SPIDR: variants seen among roughly 807,000 people sequenced by gnomAD.
SPIDR encodes the protein scaffold protein involved in DNA repair.
Under a neutral mutation model 104.6 loss-of-function variants are expected in SPIDR, and 93 were observed. The ratio of observed to expected loss-of-function variants is 0.89; its 90% CI spans 0.75 to 1.06. SPIDR has a LOEUF of 1.06. Among genes scored for constraint, SPIDR ranks in the 50% least tolerant of loss-of-function variants. SPIDR has a pLI of 0.00. For synonymous variants in SPIDR, 431 were observed against 416.9 expected (o/e 1.03, Z -0.41); for missense variants, 1,154 against 1,111.2 (o/e 1.04, Z -0.55).
At chr8:47,350,636 A>G (rs1414271523) in intron 5 of SPIDR, among the ~76,000 whole-genome samples, 2 of 152,216 alleles carry the variant, frequency 1.3e-5, no homozygotes, top group African/African-American at 4.8e-5. Context: ...TAAAGGAGCA[A>G]ATGTAAACCT....
At chr8:47,340,890 G>T (rs2050631013) in intron 5 of SPIDR, among the ~76,000 whole-genome samples, 1 of 152,214 alleles carries the variant, frequency 6.6e-6, no homozygotes, top group Non-Finnish European at 1.5e-5. Flanking sequence ...GGAGTTAGGA[G>T]AGGTTATGGA....
At chr8:47,594,062 G>T (rs1385895950) in intron 8 of SPIDR, among the ~76,000 whole-genome samples, 1 of 151,848 alleles carries the variant, frequency 6.6e-6, no homozygotes, top group Admixed American at 6.6e-5. Flanking sequence ...TTGCAGGCCT[G>T]TGGGAGATCA....
rs972742318 is a variant in SPIDR, at chr8:47,578,329, G to A, written c.1098-17482G>A. On this transcript the variant is annotated intron_variant, in intron 8 of 19. Transcript: ENST00000297423. ...CTACTAAAAATACAAAAAATTAGCCGGGCATGGTGGCAGGCACCTGTAATC... is the reference window on the plus strand; with the variant it reads ...CTACTAAAAATACAAAAAATTAGCCAGGCATGGTGGCAGGCACCTGTAATC... 7.2e-5 allele frequency among the ~76,000 whole-genome samples: 11 copies of A among 152,168 alleles called. 1 individual carries two copies. In the South Asian group the frequency reaches 1.2e-3, roughly 17 times the overall value.
chr8:47,702,161 A>G (rs2080374936), intron 14 of SPIDR, 146 bp downstream of exon 14: 28 of 1,006,434 alleles, frequency 2.8e-5, no homozygotes, highest in Middle Eastern at 3.1e-4. Flanking sequence ...ATTAAAGGGT[A>G]ATCTCCTTTG....
At chr8:47,566,841 T>A (rs1417785729) in intron 8 of SPIDR, among the ~76,000 whole-genome samples, 1 of 152,098 alleles carries the variant, frequency 6.6e-6, no homozygotes, top group African/African-American at 2.4e-5. Flanking sequence ...CACTTTAAAA[T>A]CTTTGGACTT....
In SPIDR at chr8:47,347,773, C is replaced by CT. The variant is rs1405250507; in HGVS notation, c.526-48595dup. ...TATCAGACTAGGATTGCAACCCCTGCTTTTTTTTGTTTGTTTTCCGTTTGC... is the reference window on the plus strand; with the variant it reads ...TATCAGACTAGGATTGCAACCCCTGCTTTTTTTTTGTTTGTTTTCCGTTTGC... On this transcript the variant is annotated intron_variant, in intron 5 of 19. Transcript: ENST00000297423. 5.3e-5 allele frequency among the ~76,000 whole-genome samples: 8 copies of CT among 152,010 alleles called. No individual in the cohort carries two copies. In the East Asian group the frequency reaches 9.7e-4, roughly 18 times the overall value.
At chr8:47,679,290 A>G (rs936598792) in intron 11 of SPIDR, among the ~76,000 whole-genome samples, 5 of 152,370 alleles carry the variant, frequency 3.3e-5, no homozygotes, top group Middle Eastern at 3.4e-3. Context: ...CATGCCATTC[A>G]TATGAGGAGC....
At chr8:47,303,388 C>T (rs373652086) in intron 5 of SPIDR, among the ~76,000 whole-genome samples, 4 of 152,224 alleles carry the variant, frequency 2.6e-5, no homozygotes, top group African/African-American at 9.6e-5. Context: ...ACCCCTTGCA[C>T]TTCCCGGGTG....
chr8:47,270,327 TC>T (rs1195384551), intron 1 of SPIDR, among the ~76,000 whole-genome samples: 1 of 152,360 alleles, frequency 6.6e-6, no homozygotes, highest in East Asian at 1.9e-4. Context: ...AGCTCTCTGA[TC>T]AGTTTTTTAT....
At chr8:47,537,722 A>G (rs1253652679) in intron 8 of SPIDR, among the ~76,000 whole-genome samples, 6 of 152,220 alleles carry the variant, frequency 3.9e-5, no homozygotes, top group African/African-American at 9.6e-5. Flanking sequence ...TAAGGTGTCA[A>G]TATTGGCTCA....
At chr8:47,410,083 A>G (rs958443595) in intron 7 of SPIDR, among the ~76,000 whole-genome samples, 12 of 152,204 alleles carry the variant, frequency 7.9e-5, no homozygotes, top group African/African-American at 2.9e-4. Context: ...GCCTTCTCTC[A>G]CATTCTTGCA....
intron 8 of SPIDR, among the ~76,000 whole-genome samples, chr8:47,566,210 T>A (rs1397249665): frequency 2.0e-5 from 3 of 151,356 alleles, no homozygotes; most frequent in Non-Finnish European, 4.4e-5. Context: ...TTCTCCATGT[T>A]GGTCAGGCTG....
intron 10 of SPIDR, among the ~76,000 whole-genome samples, chr8:47,657,275 T>C (rs933721046): frequency 6.6e-6 from 1 of 152,098 alleles, no homozygotes; most frequent in Non-Finnish European, 1.5e-5. Context: ...TACCAGGGAA[T>C]TGTGCTGAGG....
At chr8:47,300,558 C>A (rs1586591306) in intron 5 of SPIDR, among the ~76,000 whole-genome samples, 1 of 152,194 alleles carries the variant, frequency 6.6e-6, no homozygotes, top group East Asian at 1.9e-4. Context: ...AATTTTAGAT[C>A]TTTCCTGCTT....
intron 8 of SPIDR, among the ~76,000 whole-genome samples, chr8:47,475,600 G>C (rs2076192320): frequency 6.6e-6 from 1 of 152,122 alleles, no homozygotes; most frequent in Non-Finnish European, 1.5e-5. Context: ...ATGTACCTAA[G>C]CATTTGAATG....
At chr8:47,262,806 T>C (rs965208217) in intron 1 of SPIDR, among the ~76,000 whole-genome samples, 1 of 152,202 alleles carries the variant, frequency 6.6e-6, no homozygotes, top group Admixed American at 6.5e-5. Context: ...GGAATTTATT[T>C]TTTGTTTCTG....
intron 5 of SPIDR, among the ~76,000 whole-genome samples, chr8:47,311,869 C>T (rs1232599878): frequency 5.9e-5 from 9 of 152,148 alleles, no homozygotes; most frequent in Non-Finnish European, 1.0e-4. Context: ...TCCCTCCCCA[C>T]TTCCCCCATC....
chr8:47,422,842 T>C (rs1310759678), intron 7 of SPIDR, among the ~76,000 whole-genome samples: 2 of 152,210 alleles, frequency 1.3e-5, no homozygotes, highest in African/African-American at 4.8e-5. Context: ...TTTTCCTTTG[T>C]TCCCTCCTGA....
intron 10 of SPIDR, among the ~76,000 whole-genome samples, chr8:47,669,191 C>G (rs114771209): frequency 3.3e-4 from 50 of 152,292 alleles, no homozygotes; most frequent in African/African-American, 1.2e-3. Context: ...TGGTAAATAC[C>G]TGGCAGTTCA....
Sources: allele counts gnomAD v4.1 joint callset (sites outside exome capture counted in the v4.1 genomes callset), GRCh38; gene constraint gnomAD v4.1.1; transcripts MANE v1.5; gene names NCBI Gene and HGNC (gene_info 2026-07-23, HGNC 2026-07-21).